SGCZ: variants seen among roughly 807,000 people sequenced by gnomAD.
SGCZ encodes sarcoglycan zeta.
SGCZ carries 40 observed loss-of-function variants against 41.3 expected under a neutral mutation model. The ratio of observed to expected loss-of-function variants is 0.97; its 90% CI spans 0.75 to 1.26. The LOEUF (loss-of-function observed/expected upper bound fraction) is 1.26, where lower values mean the gene tolerates loss of function less well. SGCZ is among the 50% of genes most tolerant of loss of function. The pLI, the probability that SGCZ is intolerant of heterozygous loss-of-function variation, is 0.00. For synonymous variants in SGCZ, 206 were observed against 137.5 expected (o/e 1.50, Z -3.49); for missense variants, 552 against 369.8 (o/e 1.49, Z -4.04).
chr8:15,111,190 C>G (rs1367183860), intron 1 of SGCZ, among the ~76,000 whole-genome samples: 1 of 152,070 alleles, frequency 6.6e-6, no homozygotes, highest in Non-Finnish European at 1.5e-5. Flanking sequence ...AGGAAAACAC[C>G]TGGTTCTGGT....
At chr8:14,349,182 A>G (rs1388295415) in intron 2 of SGCZ, among the ~76,000 whole-genome samples, 2 of 152,138 alleles carry the variant, frequency 1.3e-5, no homozygotes, top group Non-Finnish European at 2.9e-5. Context: ...TATGCATAGT[A>G]ATGTCCATAT....
intron 5 of SGCZ, among the ~76,000 whole-genome samples, chr8:14,137,729 G>A (rs1388421383): frequency 1.3e-5 from 2 of 152,174 alleles, no homozygotes; most frequent in Non-Finnish European, 2.9e-5. Flanking sequence ...GTGATGGGGA[G>A]AATGGACCCA....
chr8:14,888,396 CT>C (rs1200914877), intron 1 of SGCZ, among the ~76,000 whole-genome samples: 4 of 152,116 alleles, frequency 2.6e-5, no homozygotes, highest in Non-Finnish European at 5.9e-5. Flanking sequence ...TTTAATAACC[CT>C]CTTGCACTTG....
At chr8:14,792,157 T>C (rs1004134147) in intron 1 of SGCZ, among the ~76,000 whole-genome samples, 4 of 152,216 alleles carry the variant, frequency 2.6e-5, no homozygotes, top group African/African-American at 9.6e-5. Context: ...GTGTGATAAA[T>C]ACACTTTTCA....
intron 1 of SGCZ, among the ~76,000 whole-genome samples, chr8:15,079,743 T>G (rs546304226): frequency 6.6e-6 from 1 of 152,302 alleles, no homozygotes; most frequent in African/African-American, 2.4e-5. Flanking sequence ...TAGAATTCCT[T>G]TTAAGATTCA....
chr8:14,604,315 G>C (rs549358310), intron 1 of SGCZ, among the ~76,000 whole-genome samples: 1 of 152,210 alleles, frequency 6.6e-6, no homozygotes, highest in African/African-American at 2.4e-5. Context: ...TTCTTTGAGA[G>C]AAATTGTGAG....
At chr8:14,619,679 C>A (rs1380040022) in intron 1 of SGCZ, among the ~76,000 whole-genome samples, 2 of 152,214 alleles carry the variant, frequency 1.3e-5, no homozygotes, top group East Asian at 1.9e-4. Context: ...CATGAGTGAA[C>A]TCCCATTCAC....
At chr8:14,277,998 C>G (rs145422624) in intron 3 of SGCZ, among the ~76,000 whole-genome samples, 2 of 152,216 alleles carry the variant, frequency 1.3e-5, no homozygotes, top group East Asian at 3.9e-4. Flanking sequence ...GAGGGCAGCA[C>G]GAAGAGATTA....
intron 1 of SGCZ, among the ~76,000 whole-genome samples, chr8:14,896,566 T>C (rs1805206110): frequency 6.6e-6 from 1 of 152,090 alleles, no homozygotes; most frequent in Admixed American, 6.6e-5. Flanking sequence ...AAACTCCACC[T>C]CTCAGGTTCC....
At chr8:15,176,957 C>T (rs866621756) in intron 1 of SGCZ, among the ~76,000 whole-genome samples, 5 of 152,064 alleles carry the variant, frequency 3.3e-5, no homozygotes, top group Admixed American at 6.5e-5. Flanking sequence ...GTAGAGATCA[C>T]GCCACTGCAC....
At chr8:14,331,930 T>C (rs2117053187) in intron 2 of SGCZ, among the ~76,000 whole-genome samples, 1 of 152,010 alleles carries the variant, frequency 6.6e-6, no homozygotes, top group Admixed American at 6.6e-5. Flanking sequence ...GAAATATGTA[T>C]TCATACTTAT....
Position 14,283,757 on chromosome 8 carries a change from T to G in SGCZ, c.336+40346A>C, listed in dbSNP as rs527488960. ...TTTAGGATTTCTGGGCCATATGGTC[T>G]CTATCATAACTACTCTACTGCAATG... On this transcript the variant is annotated intron_variant, in intron 3 of 7. Coordinates refer to ENST00000382080, the MANE Select transcript of SGCZ (RefSeq NM_139167.4). Among the ~76,000 whole-genome samples, 3 of 152,322 alleles carry G rather than the reference T, an allele frequency of 2.0e-5. No individual in the cohort carries two copies. The South Asian group carries it at 6.2e-4, about 32-fold the overall frequency.
Position 14,331,638 on chromosome 8 carries a change from AATAAT to A in SGCZ, c.235-7439_235-7435del, listed in dbSNP as rs150294618. Among the ~76,000 whole-genome samples, 147 of 152,216 alleles carry A rather than the reference AATAAT, an allele frequency of 9.7e-4. 2 individuals carry two copies. The East Asian group carries it at 0.027, about 28-fold the overall frequency. ...GGAAACATTTTTATAGATTGCTGTT[AATAAT>A]ATAACTTTTACCATCCTGAATATGA... is the stretch of plus-strand genomic sequence containing the variant. On this transcript the variant is annotated intron_variant, in intron 2 of 7. Coordinates refer to ENST00000382080, the MANE Select transcript of SGCZ (RefSeq NM_139167.4).
At chr8:14,383,747 T>A (rs1369901232) in intron 2 of SGCZ, among the ~76,000 whole-genome samples, 1 of 151,602 alleles carries the variant, frequency 6.6e-6, no homozygotes, top group East Asian at 2.0e-4. Context: ...GGTCCTCTAG[T>A]TTTAGAAACA....
At chr8:14,836,801 C>T (rs568529547) in intron 1 of SGCZ, among the ~76,000 whole-genome samples, 1 of 152,270 alleles carries the variant, frequency 6.6e-6, no homozygotes, top group African/African-American at 2.4e-5. Flanking sequence ...ATCCTGGGCC[C>T]ATAATTATTT....
chr8:14,917,884 A>C (rs1202088547), intron 1 of SGCZ, among the ~76,000 whole-genome samples: 1 of 152,126 alleles, frequency 6.6e-6, no homozygotes, highest in Non-Finnish European at 1.5e-5. Flanking sequence ...ATAATATTTG[A>C]CTTTTAACCT....
At chr8:14,558,264 A>G (rs1439616210) in intron 1 of SGCZ, among the ~76,000 whole-genome samples, 1 of 152,098 alleles carries the variant, frequency 6.6e-6, no homozygotes, top group Non-Finnish European at 1.5e-5. Flanking sequence ...AATCCTGTTG[A>G]CACTATTCCA....
chr8:14,639,132 G>A (rs992290254), intron 1 of SGCZ, among the ~76,000 whole-genome samples: 5 of 143,752 alleles, frequency 3.5e-5, no homozygotes, highest in African/African-American at 1.3e-4. Context: ...CTGTAACCTT[G>A]CCTCCCAGGT....
intron 2 of SGCZ, among the ~76,000 whole-genome samples, chr8:14,384,673 C>G (rs980677272): frequency 1.3e-4 from 20 of 152,286 alleles, no homozygotes; most frequent in African/African-American, 4.1e-4. Flanking sequence ...AATTGTCCTG[C>G]CTCAGCCACC....
Sources: allele counts gnomAD v4.1 joint callset (sites outside exome capture counted in the v4.1 genomes callset), GRCh38; gene constraint gnomAD v4.1.1; transcripts MANE v1.5; gene names NCBI Gene and HGNC (gene_info 2026-07-23, HGNC 2026-07-21).